TMEM117: variants seen among roughly 807,000 people sequenced by gnomAD.
The protein encoded by TMEM117 is transmembrane protein 117.
In TMEM117, 27 loss-of-function variants were observed where a neutral mutation model predicts 52.4. That is an observed-to-expected ratio of 0.51 (90% confidence interval 0.38 to 0.71). The LOEUF (loss-of-function observed/expected upper bound fraction) is 0.71. Ranked by LOEUF, TMEM117 falls within the 30% of genes least tolerant of loss-of-function variation. TMEM117 has a pLI of 0.00. For missense variants in TMEM117, 556 were observed against 630.5 expected (o/e 0.88, Z 1.26); for synonymous variants, 215 against 206.3 (o/e 1.04, Z -0.36).
At position 44,175,436 on chromosome 12, in the gene TMEM117, T is replaced by G. The variant is rs534091073; in HGVS notation, c.510+31812T>G. Among the ~76,000 whole-genome samples, 11 of 152,140 alleles carry G rather than the reference T, an allele frequency of 7.2e-5. No homozygotes were observed. The South Asian group carries it at 2.3e-3, about 32-fold the overall frequency. On this transcript the variant is annotated intron_variant, in intron 4 of 7. Coordinates refer to ENST00000266534, the MANE Select transcript of TMEM117 (RefSeq NM_032256.3). ...TTTGTTTAGAGTGGGATGGGAATAA[T>G]GATGTTGAGTTTGAGATGGCTGAAA...
At chr12:43,805,962 C>G in the TMEM117 span, 5 of 1,544,846 alleles carry the variant, frequency 3.2e-6, no homozygotes, top group Non-Finnish European at 4.4e-6. Context: ...CAGGCCGCCT[C>G]GAAAGCCAAT....
chr12:44,177,339 T>C (rs1005567679), intron 4 of TMEM117, among the ~76,000 whole-genome samples: 1 of 152,220 alleles, frequency 6.6e-6, no homozygotes, highest in African/African-American at 2.4e-5. Flanking sequence ...TTATAGCTCA[T>C]TGAAGGCTCA....
intron 7 of TMEM117, among the ~76,000 whole-genome samples, chr12:44,381,880 G>C (rs995537482): frequency 1.3e-5 from 2 of 152,082 alleles, no homozygotes; most frequent in Non-Finnish European, 2.9e-5. Flanking sequence ...ACAGCCAGTG[G>C]TTCCTCCAGC....
In TMEM117 at chr12:44,299,128, ATT is replaced by A. The variant is rs375671360; in HGVS notation, c.609-433_609-432del. On this transcript the variant is annotated intron_variant, in intron 5 of 7. Transcript: ENST00000266534. Reference sequence around the variant, plus strand: ...AACTGCTTTTGATAGAAGGCATTTAATTTTTTTTTTTTTTTTTTTTGAGATGG... The same window carrying A: ...AACTGCTTTTGATAGAAGGCATTTAATTTTTTTTTTTTTTTTTTGAGATGG... Among the ~76,000 whole-genome samples the A allele has an allele frequency of 1.9e-3, 235 of 125,360 alleles. 3 individuals carry two copies. The highest frequency in any genetic ancestry group is 7.7e-3 in the African/African-American group (210 of 27,370). 82.2% of individuals were successfully genotyped at this position (125,360 alleles called of 152,430 possible).
intron 2 of TMEM117, among the ~76,000 whole-genome samples, chr12:43,912,397 A>G (rs1213101185): frequency 6.6e-6 from 1 of 151,624 alleles, no homozygotes; most frequent in Non-Finnish European, 1.5e-5. Context: ...ACCTAATGCT[A>G]GATGACGAGT....
Position 44,143,530 on chromosome 12 carries a change from A to G in TMEM117, c.416A>G (p.Tyr139Cys), listed in dbSNP as rs752810790. Residue 139 changes from tyrosine (Y) to cysteine (C), a missense_variant, in exon 4 of 8, where the codon TAT becomes TGT. Tyr to Cys is a radical substitution (Grantham distance 194). This residue lies in a region of TMEM117 where 328 missense variants were observed against 371.4 expected (regional missense o/e 0.88). Coordinates refer to ENST00000266534, the MANE Select transcript of TMEM117 (RefSeq NM_032256.3). ...ILLMDGNMGA[Y>C]IITDYMGIRN... ...TTGTGTGTTTGTTTCCACAGAGCAT[A>G]TATCATTACAGACTATATGGGCATC... The G allele has an allele frequency of 1.9e-6, 3 of 1,611,992 alleles. No homozygotes were observed. The highest frequency in any genetic ancestry group is 2.2e-5 in the South Asian group (2 of 90,936).
At chr12:43,979,603 T>A (rs542113240) in intron 3 of TMEM117, among the ~76,000 whole-genome samples, 2 of 152,286 alleles carry the variant, frequency 1.3e-5, no homozygotes, top group African/African-American at 4.8e-5. Flanking sequence ...TAGGCCAATC[T>A]TGAGGAATCG....
chr12:43,928,478 T>G (rs1944817705), intron 2 of TMEM117, among the ~76,000 whole-genome samples: 1 of 152,122 alleles, frequency 6.6e-6, no homozygotes, highest in South Asian at 2.1e-4. Context: ...TTTTTTCATT[T>G]TTAAAATCCT....
rs576876476 is a variant in TMEM117 at position 44,325,425 on chromosome 12, C to A, written c.768+25686C>A. 5.9e-5 allele frequency among the ~76,000 whole-genome samples: 9 copies of A among 152,042 alleles called. No individual in the cohort carries two copies. The East Asian group carries it at 1.5e-3, about 26-fold the overall frequency. On this transcript the variant is annotated intron_variant, in intron 6 of 7. Transcript: ENST00000266534. ...AAAAATCTTTATTTTCAGAGCTTTT[C>A]TATTTCAAAATTGAGGACAAGGGAC... is the stretch of plus-strand genomic sequence containing the variant.
intron 3 of TMEM117, among the ~76,000 whole-genome samples, chr12:44,016,029 G>T (rs1246735590): frequency 6.6e-6 from 1 of 152,150 alleles, no homozygotes; most frequent in Admixed American, 6.5e-5. Context: ...AAAATACCCA[G>T]GAATAAACTG....
At chr12:43,970,531 G>T (rs536410277) in intron 3 of TMEM117, among the ~76,000 whole-genome samples, 1 of 152,026 alleles carries the variant, frequency 6.6e-6, no homozygotes, top group Admixed American at 6.6e-5. Context: ...CTTGTGATCC[G>T]CCTGGCTCGG....
intron 3 of TMEM117, 30 bp downstream of exon 3, chr12:43,944,372 TGA>T: frequency 7.5e-7 from 1 of 1,337,424 alleles, no homozygotes; most frequent in South Asian, 1.2e-5. Flanking sequence ...TCTACTGTGG[TGA>T]GTGTTATGTT....
chr12:44,060,986 T>C (rs1229220665), intron 3 of TMEM117, among the ~76,000 whole-genome samples: 1 of 152,198 alleles, frequency 6.6e-6, no homozygotes, highest in Non-Finnish European at 1.5e-5. Context: ...AGGCACTGTT[T>C]GGTGGCTTTA....
At chr12:43,849,832 T>C (rs907300505) in intron 2 of TMEM117, among the ~76,000 whole-genome samples, 4 of 152,208 alleles carry the variant, frequency 2.6e-5, no homozygotes, top group Non-Finnish European at 5.9e-5. Context: ...CCTCTCATTC[T>C]CTGATCCAAT....
chr12:43,933,857 G>A (rs1030097421), intron 2 of TMEM117, among the ~76,000 whole-genome samples: 3 of 152,226 alleles, frequency 2.0e-5, no homozygotes, highest in Admixed American at 6.5e-5. Context: ...CACCACTCCC[G>A]GCCCAGAATT....
chr12:43,919,679 G>A (rs930595252), intron 2 of TMEM117, among the ~76,000 whole-genome samples: 3 of 151,934 alleles, frequency 2.0e-5, no homozygotes, highest in African/African-American at 7.3e-5. Flanking sequence ...CAATAGCTAG[G>A]TCATATGGTA....
chr12:43,857,161 A>G (rs967120331), intron 2 of TMEM117, among the ~76,000 whole-genome samples: 1 of 152,204 alleles, frequency 6.6e-6, no homozygotes, highest in Admixed American at 6.5e-5. Flanking sequence ...AGCTTCATGC[A>G]GCTTTCAGTG....
At chr12:43,818,888 T>G in the TMEM117 span, among the ~76,000 whole-genome samples, 1 of 152,248 alleles carries the variant, frequency 6.6e-6, no homozygotes, top group Non-Finnish European at 1.5e-5. Context: ...TTCCACTTTT[T>G]ATTTCTTCCT....
chr12:43,846,057 T>C (rs903635957), intron 2 of TMEM117, among the ~76,000 whole-genome samples: 7 of 152,192 alleles, frequency 4.6e-5, no homozygotes, highest in African/African-American at 1.7e-4. Flanking sequence ...TTTACACATA[T>C]TGTTCATTCA....
Sources: gnomAD v4.1 joint callset for allele counts (sites outside exome capture counted in the v4.1 genomes callset) on GRCh38, gnomAD v4.1.1 for gene constraint, gnomAD v4.1.1 regional missense constraint, MANE v1.5 for transcripts, NCBI Gene and HGNC (gene_info 2026-07-23, HGNC 2026-07-21) for gene names.